Variants in DCAF6 observed in about 807,000 individuals in gnomAD.
DCAF6 encodes DDB1 and CUL4 associated factor 6.
DCAF6 carries 54 observed loss-of-function variants against 125.1 expected under a neutral mutation model. That is an observed-to-expected ratio of 0.43 (90% CI 0.35 to 0.54). DCAF6 has a LOEUF of 0.54. Among genes scored for constraint, DCAF6 ranks in the 20% least tolerant of loss-of-function variants. The probability of loss-of-function intolerance (pLI) is 0.01; values close to 1 mark genes in which losing one functional copy is unlikely to be tolerated. For missense variants in DCAF6, 934 were observed against 1,161.7 expected (o/e 0.80, Z 2.85); for synonymous variants, 371 against 390.4 (o/e 0.95, Z 0.58).
At chr1:167,870,343 TTGGC>T in the DCAF6 span, 1 of 1,613,948 alleles carries the variant, frequency 6.2e-7, no homozygotes, top group South Asian at 1.1e-5. Context: ...ACATTAAGAC[TTGGC>T]TGCTGTTAGA....
At chr1:168,071,006 T>C (rs150466667) in intron 21 of DCAF6, among the ~76,000 whole-genome samples, 16 of 152,332 alleles carry the variant, frequency 1.1e-4, no homozygotes, top group Non-Finnish European at 2.1e-4. Context: ...TGTTATCCTA[T>C]TGAGATCACA....
At chr1:168,029,995 AAAAG>A (rs1572011255) in intron 12 of DCAF6, among the ~76,000 whole-genome samples, 1 of 150,084 alleles carries the variant, frequency 6.7e-6, no homozygotes, top group African/African-American at 2.4e-5. Flanking sequence ...AAAAAAAAAG[AAAAG>A]AAACATGTCT....
intron 15 of DCAF6, 67 bp from the exon 16 acceptor site, chr1:168,044,833 A>C: frequency 6.5e-7 from 1 of 1,540,726 alleles, no homozygotes; most frequent in Non-Finnish European, 8.8e-7. Context: ...GTGAGCTCCT[A>C]AGTTAGGTTA....
chr1:168,039,032 T>C (rs1247084424), intron 13 of DCAF6, among the ~76,000 whole-genome samples: 1 of 152,100 alleles, frequency 6.6e-6, no homozygotes, highest in African/African-American at 2.4e-5. Context: ...AGATGTTCTA[T>C]AGTTTACTTA....
chr1:167,927,491 C>T, the DCAF6 span, among the ~76,000 whole-genome samples: 6 of 152,192 alleles, frequency 3.9e-5, no homozygotes, highest in Non-Finnish European at 7.3e-5. Context: ...AATCAAGAGT[C>T]AGTCCATGTA....
At chr1:168,065,221 C>T (rs947559561) in intron 18 of DCAF6, among the ~76,000 whole-genome samples, 1 of 152,090 alleles carries the variant, frequency 6.6e-6, no homozygotes, top group African/African-American at 2.4e-5. Flanking sequence ...CAAAGTCCCT[C>T]TTCTTAGGGG....
At chr1:167,896,849 T>C in the DCAF6 span, among the ~76,000 whole-genome samples, 2 of 152,166 alleles carry the variant, frequency 1.3e-5, no homozygotes, top group Admixed American at 1.3e-4. Flanking sequence ...AAATTTTAAA[T>C]TGAAAATCTA....
At chr1:167,936,666 G>A, upstream of DCAF6, 1 of 452,910 alleles carries the variant, frequency 2.2e-6, no homozygotes, top group Non-Finnish European at 4.0e-6. Flanking sequence ...TGAGGGAGGA[G>A]ACTGTTGCTG....
chr1:167,898,220 T>C, the DCAF6 span, among the ~76,000 whole-genome samples: 2 of 151,446 alleles, frequency 1.3e-5, no homozygotes, highest in South Asian at 2.1e-4. Flanking sequence ...AGGTGAGGGA[T>C]ATATGGAAAC....
At chr1:168,004,238 T>C (rs995711436) in intron 9 of DCAF6, among the ~76,000 whole-genome samples, 16 of 152,146 alleles carry the variant, frequency 1.1e-4, no homozygotes, top group Admixed American at 7.2e-4. Flanking sequence ...AGGTTTCCTA[T>C]TTTAAGCCTT....
At chr1:167,943,655 C>T (rs1672605575) in intron 1 of DCAF6, among the ~76,000 whole-genome samples, 1 of 152,178 alleles carries the variant, frequency 6.6e-6, no homozygotes, top group African/African-American at 2.4e-5. Context: ...ACGAATTTCT[C>T]ATCATCCTCC....
intron 10 of DCAF6, among the ~76,000 whole-genome samples, chr1:168,005,950 AT>A (rs1161902876): frequency 6.6e-6 from 1 of 152,176 alleles, no homozygotes; most frequent in Non-Finnish European, 1.5e-5. Context: ...ATTTTGGAAG[AT>A]TTGGGAATTA....
chr1:168,073,076 C>T (rs1300095290), intron 21 of DCAF6, among the ~76,000 whole-genome samples: 2 of 151,768 alleles, frequency 1.3e-5, no homozygotes, highest in African/African-American at 2.4e-5. Context: ...CTCGGGAGGG[C>T]GAGACAGGAG....
chr1:167,927,319 T>C, the DCAF6 span, among the ~76,000 whole-genome samples: 4 of 152,228 alleles, frequency 2.6e-5, no homozygotes, highest in African/African-American at 7.2e-5. Context: ...ATTAATCCTA[T>C]AAGTCAGTCT....
intron 4 of DCAF6, among the ~76,000 whole-genome samples, chr1:167,980,353 G>A (rs1678911944): frequency 6.7e-6 from 1 of 148,876 alleles, no homozygotes; most frequent in Non-Finnish European, 1.5e-5. Flanking sequence ...AGAGATTGCT[G>A]GATCATATGG....
At chr1:168,073,231 G>C (rs1693363561) in intron 21 of DCAF6, among the ~76,000 whole-genome samples, 1 of 152,128 alleles carries the variant, frequency 6.6e-6, no homozygotes, top group Admixed American at 6.6e-5. Context: ...CTTATTTCCA[G>C]TTTTTATTTA....
At position 168,045,035 on chromosome 1, in the gene DCAF6, A is replaced by C; in HGVS notation, c.2066A>C (p.Asp689Ala). ...SEKAKEPETS[D>A]QTSTESATNE... ...AAAGCCAAGGAACCAGAAACTTCAG[A>C]TCAGACTAGCACTGAGAGTGCTACC... Residue 689 changes from aspartate to alanine, a missense_variant, in exon 16 of 22, where the codon GAT becomes GCT. Asp to Ala is a moderately radical substitution (Grantham distance 126). This residue lies in a region of DCAF6 where 559 missense variants were observed against 635.5 expected (regional missense o/e 0.88). Coordinates refer to ENST00000367840, the MANE Select transcript of DCAF6 (RefSeq NM_001198956.2). 6.2e-7 allele frequency: 1 copy of C among 1,614,064 alleles called. No homozygotes were observed. Among genetic ancestry groups the C allele is most frequent in the Non-Finnish European group, 8.5e-7 (1 of 1,179,964 alleles).
intron 21 of DCAF6, among the ~76,000 whole-genome samples, chr1:168,069,787 C>T (rs1205474034): frequency 2.6e-5 from 4 of 152,106 alleles, no homozygotes; most frequent in Non-Finnish European, 5.9e-5. Flanking sequence ...TGTTAATAGA[C>T]CAACAAAATG....
chr1:167,870,206 T>C, the DCAF6 span: 1 of 1,607,620 alleles, frequency 6.2e-7, no homozygotes, highest in Non-Finnish European at 8.5e-7. Flanking sequence ...AGCATCAAAA[T>C]AAATCAGGAT....
Sources: gnomAD v4.1 joint callset for allele counts (sites outside exome capture counted in the v4.1 genomes callset) on GRCh38, gnomAD v4.1.1 for gene constraint, gnomAD v4.1.1 regional missense constraint, MANE v1.5 for transcripts, NCBI Gene and HGNC (gene_info 2026-07-23, HGNC 2026-07-21) for gene names.